The following MTERF1 variants were observed in gnomAD, a reference collection of about 807,000 sequenced individuals.
MTERF1 encodes mitochondrial transcription termination factor 1.
MTERF1 carries 29 observed loss-of-function variants against 31.6 expected under a neutral mutation model. The ratio of observed to expected loss-of-function variants is 0.92; its 90% CI spans 0.68 to 1.25. MTERF1 has a LOEUF of 1.25. Ranked by LOEUF, MTERF1 falls within the 50% of genes most tolerant of loss-of-function variation. The probability of loss-of-function intolerance (pLI) is 0.00; values close to 1 mark genes in which losing one functional copy is unlikely to be tolerated. For missense variants in MTERF1, 500 were observed against 469.1 expected, an observed-to-expected ratio of 1.07 and a Z score of -0.61; for synonymous variants, 152 against 164.1, an observed-to-expected ratio of 0.93 and a Z score of 0.57.
In MTERF1 at chr7:91,874,393, C is replaced by T. The variant is rs774086628; in HGVS notation, c.401G>A (p.Arg134His). ...CCGTTTTGAAAGATTCTCGGGAGTA[C>T]GTGTTATTGCTCGTGGATATCTTGA... ...IISRYPRAIT[R>H]TPENLSKRWD... Residue 134 changes from arginine (R) to histidine (H), a missense_variant, in exon 3 of 3, where the codon CGT becomes CAT. Transcript: ENST00000351870. The T allele has an allele frequency of 8.7e-6, 14 of 1,614,052 alleles. No homozygotes were observed. Among genetic ancestry groups the T allele is most frequent in the Middle Eastern group, 1.6e-4 (1 of 6,062 alleles).
chr7:91,873,774 A>G lies in MTERF1; in HGVS notation c.1020T>C (p.Ile340=). 10 of 1,614,128 alleles carry G rather than the reference A, an allele frequency of 6.2e-6. No individual in the cohort carries two copies. Among genetic ancestry groups the G allele is most frequent in the Non-Finnish European group, 7.6e-6 (9 of 1,179,990 alleles). The change falls in exon 3 of 3, where the codon ATT becomes ATC. Residue 340 remains isoleucine, a synonymous_variant. Transcript: ENST00000351870. Reference sequence around the variant, plus strand: ...GATTTTCGATTATTTGTGAAATGCTAATGTTTTCTTCCATGAGGCAGTCTA... The same window carrying G: ...GATTTTCGATTATTTGTGAAATGCTGATGTTTTCTTCCATGAGGCAGTCTA... ...DKIDCLMEEN[I]SISQIIENPR...
At chr7:91,876,891 A>C in intron 2 of MTERF1, 1 of 984,722 alleles carries the variant, frequency 1.0e-6, no homozygotes, top group Non-Finnish European at 1.2e-6. Context: ...GCATAGTTCA[A>C]CAGCCTGTTT....
At chr7:91,877,157 T>C (rs1789366458) in intron 2 of MTERF1, among the ~76,000 whole-genome samples, 1 of 152,252 alleles carries the variant, frequency 6.6e-6, no homozygotes, top group Non-Finnish European at 1.5e-5. Context: ...TAGGCATATT[T>C]CTATTGACAA....
chr7:91,877,343 T>C (rs1233077136), intron 2 of MTERF1, among the ~76,000 whole-genome samples: 1 of 152,184 alleles, frequency 6.6e-6, no homozygotes, highest in Non-Finnish European at 1.5e-5. Flanking sequence ...AACAAATCTA[T>C]AAACGTTTCT....
Position 91,873,483 on chromosome 7 carries a change from T to A in MTERF1, c.*111A>T. ...CCCTCCAAAGTAATTCAGGATAATC[T>A]CCCCATCTCAAGGCCCTTAATAACA... On this transcript the variant is annotated 3_prime_UTR_variant, in exon 3 of 3. Coordinates refer to ENST00000351870, the MANE Select transcript of MTERF1 (RefSeq NM_006980.5). The A allele has an allele frequency of 1.1e-6, 1 of 912,584 alleles. No homozygotes were observed. The highest frequency in any genetic ancestry group is 1.6e-6 in the Non-Finnish European group (1 of 620,352). The allele number at this position is 912,584 out of a possible 1,614,324, so 56.5% of individuals were successfully genotyped here.
In MTERF1 at chr7:91,873,559, T is replaced by G; in HGVS notation, c.*35A>C. On this transcript the variant is annotated 3_prime_UTR_variant, in exon 3 of 3. Transcript: ENST00000351870. ...TTCTTTTGCAATGTGGCATAACATA[T>G]TCACAGTTCCTGAGAATTAAAAACA... 6 of 1,529,500 alleles carry G rather than the reference T, an allele frequency of 3.9e-6. No individual in the cohort carries two copies. The highest frequency in any genetic ancestry group is 5.3e-6 in the Non-Finnish European group (6 of 1,133,530). 94.7% of individuals were successfully genotyped at this position (1,529,500 alleles called of 1,614,324 possible). A position where few individuals can be genotyped will look rare whatever the true frequency, so the allele number is the denominator to read the frequency against.
In MTERF1 at chr7:91,874,275, G is replaced by A; in HGVS notation, c.519C>T (p.Asn173=). The stretch of plus-strand genomic sequence containing the variant: ...ACTTTATATTATTCTCTAAGTTTAG[G>A]TTGTTATTGGACCGAAAAAAGGATT... The part of the protein sequence containing the change: ...SPESFFRSNN[N]LNLENNIKFL... Residue 173 remains asparagine (N), a synonymous_variant, in exon 3 of 3, where the codon AAC becomes AAT. Transcript: ENST00000351870. 1 of 1,614,014 alleles carries A rather than the reference G, an allele frequency of 6.2e-7. No individual in the cohort carries two copies. The highest frequency in any genetic ancestry group is 1.1e-5 in the South Asian group (1 of 91,054).
chr7:91,876,971 A>G (rs1789361067), intron 2 of MTERF1: 1 of 981,950 alleles, frequency 1.0e-6, no homozygotes. Context: ...AAATCAGATC[A>G]GTACTTTCTA....
At position 91,874,144 on chromosome 7, in the gene MTERF1, A is replaced by G. The variant is rs753639467; in HGVS notation, c.650T>C (p.Phe217Ser). 6.2e-7 allele frequency: 1 copy of G among 1,614,158 alleles called. No homozygotes were observed. The highest frequency in any genetic ancestry group is 1.7e-5 in the Admixed American group (1 of 60,004). The stretch of plus-strand genomic sequence containing the variant: ...CAATGACAAACCGGCTGCCTGCAAA[A>G]ATTCAACCATCTGTTTATTCAGATC... ...SLDLNKQMVE[F>S]LQAAGLSLGH... The change falls in exon 3 of 3, where the codon TTT becomes TCT. Residue 217 changes from phenylalanine to serine, a missense_variant. Phe to Ser is a radical substitution (Grantham distance 155). Coordinates refer to ENST00000351870, the MANE Select transcript of MTERF1 (RefSeq NM_006980.5).
intron 1 of MTERF1, 95 bp from the exon 2 acceptor site, chr7:91,880,208 A>C (rs1789470192): frequency 9.8e-7 from 1 of 1,023,582 alleles, no homozygotes; most frequent in African/African-American, 1.6e-5. Context: ...TTCTCGTTGC[A>C]TTATGTTCTC....
chr7:91,880,376 A>G, intron 1 of MTERF1: 1 of 331,996 alleles, frequency 3.0e-6, no homozygotes, highest in Non-Finnish European at 5.6e-6. Context: ...TTTACTCCCC[A>G]CAACAATTTA....
chr7:91,875,572 T>C (rs773028638), intron 2 of MTERF1, among the ~76,000 whole-genome samples: 1 of 152,202 alleles, frequency 6.6e-6, no homozygotes, highest in Non-Finnish European at 1.5e-5. Flanking sequence ...TTTCTTATAA[T>C]GACACTTTCA....
rs1382192791 is a variant in MTERF1, at chr7:91,875,847, ACCCTATCATT to A, written c.30-1093_30-1084del. On this transcript the variant is annotated intron_variant, in intron 2 of 2. Transcript: ENST00000351870. Reference sequence around the variant, plus strand: ...TCACAATCTCCATCTCATTTGGTTTACCCTATCATTCCCTACGTTGTAACCCAATAATTCC... The same window carrying A: ...TCACAATCTCCATCTCATTTGGTTTACCCTACGTTGTAACCCAATAATTCC... 3.3e-5 allele frequency among the ~76,000 whole-genome samples: 5 copies of A among 152,306 alleles called. No individual in the cohort carries two copies. The East Asian group carries it at 9.6e-4, about 29-fold the overall frequency.
At position 91,874,542 on chromosome 7, in the gene MTERF1, T is replaced by C. The variant is rs1584462117; in HGVS notation, c.252A>G (p.Val84=). The C allele has an allele frequency of 1.9e-6, 3 of 1,614,184 alleles. No individual in the cohort carries two copies. In the South Asian group the frequency reaches 3.3e-5, roughly 18 times the overall value. Reference sequence around the variant, plus strand: ...GTCGTTTCCTTGCCATGTCAATATCTACTCCCATAGTAAGTAAGTTTTTCA... The same window carrying C: ...GTCGTTTCCTTGCCATGTCAATATCCACTCCCATAGTAAGTAAGTTTTTCA... The part of the protein sequence containing the change: ...DLLKNLLTMG[V]DIDMARKRQP... Residue 84 remains valine (V), a synonymous_variant, in exon 3 of 3, where the codon GTA becomes GTG. Coordinates refer to ENST00000351870, the MANE Select transcript of MTERF1 (RefSeq NM_006980.5).
intron 2 of MTERF1, among the ~76,000 whole-genome samples, chr7:91,876,379 T>C (rs1273987429): frequency 6.6e-6 from 1 of 152,226 alleles, no homozygotes; most frequent in African/African-American, 2.4e-5. Flanking sequence ...TGATTTCTAA[T>C]TACTTACAAT....
chr7:91,880,187 C>A, intron 1 of MTERF1, 74 bp from the exon 2 acceptor site: 1 of 1,231,474 alleles, frequency 8.1e-7, no homozygotes. Context: ...AGAGATCGAT[C>A]CCAGCTAACG....
At position 91,874,638 on chromosome 7, in the gene MTERF1, T is replaced by G; in HGVS notation, c.156A>C (p.Ser52=). 6.2e-7 allele frequency: 1 copy of G among 1,614,144 alleles called. No homozygotes were observed. The highest frequency in any genetic ancestry group is 8.5e-7 in the Non-Finnish European group (1 of 1,180,020). ...TRFSAENIFK[S]VSFRLFGVKC... ...TCACACCAAAAAGCCTAAATGAAACTGATTTGAAGATGTTTTCTGCTGAAA... is the reference window on the plus strand; with the variant it reads ...TCACACCAAAAAGCCTAAATGAAACGGATTTGAAGATGTTTTCTGCTGAAA... The change falls in exon 3 of 3, where the codon TCA becomes TCC. Residue 52 remains serine, a synonymous_variant. Transcript: ENST00000351870.
chr7:91,879,952 G>T, intron 2 of MTERF1, 103 bp downstream of exon 2: 2 of 1,392,822 alleles, frequency 1.4e-6, no homozygotes, highest in Non-Finnish European at 2.0e-6. Flanking sequence ...TAAAAAGGCT[G>T]TTAATGGAAA....
chr7:91,875,053 G>C (rs1789311594), intron 2 of MTERF1, among the ~76,000 whole-genome samples: 2 of 152,144 alleles, frequency 1.3e-5, no homozygotes, highest in Admixed American at 1.3e-4. Context: ...ATATATAACT[G>C]TCTCTCCCTA....
Sources: gnomAD v4.1 joint callset for allele counts (sites outside exome capture counted in the v4.1 genomes callset) on GRCh38, gnomAD v4.1.1 for gene constraint, MANE v1.5 for transcripts, NCBI Gene and HGNC (gene_info 2026-07-23, HGNC 2026-07-21) for gene names.